FBXL17: variants seen among roughly 807,000 people sequenced by gnomAD.
FBXL17 encodes F-box and leucine rich repeat protein 17, also known as F-box/LRR-repeat protein 17.
A neutral mutation model predicts 66.2 loss-of-function variants in FBXL17; 22 were observed. That is an observed-to-expected ratio of 0.33 (90% CI 0.24 to 0.47). FBXL17 has a LOEUF of 0.47. FBXL17 is among the 20% of genes least tolerant of loss of function. The probability of loss-of-function intolerance (pLI) is 1.00; values close to 1 mark genes in which losing one functional copy is unlikely to be tolerated. For missense variants in FBXL17, 878 were observed against 948.2 expected, an observed-to-expected ratio of 0.93 and a Z score of 0.97; for synonymous variants, 474 against 400.5, an observed-to-expected ratio of 1.18 and a Z score of -2.19.
chr5:108,039,729 CAGA>C (rs1241391621), intron 6 of FBXL17, among the ~76,000 whole-genome samples: 1 of 151,996 alleles, frequency 6.6e-6, no homozygotes, highest in Non-Finnish European at 1.5e-5. Context: ...AGCAAATTCA[CAGA>C]AGGCTACCCA....
chr5:107,893,140 G>C (rs1394526794), intron 7 of FBXL17, among the ~76,000 whole-genome samples: 1 of 152,108 alleles, frequency 6.6e-6, no homozygotes, highest in Non-Finnish European at 1.5e-5. Flanking sequence ...AAAGGAATGG[G>C]AGGTAGAAAA....
intron 4 of FBXL17, among the ~76,000 whole-genome samples, chr5:108,236,686 A>G (rs1755619058): frequency 6.6e-6 from 1 of 152,330 alleles, no homozygotes; most frequent in South Asian, 2.1e-4. Context: ...ACCCTCAATG[A>G]AAAAGAGCAA....
intron 4 of FBXL17, among the ~76,000 whole-genome samples, chr5:108,225,594 C>G (rs1028191844): frequency 6.6e-6 from 1 of 152,130 alleles, no homozygotes; most frequent in African/African-American, 2.4e-5. Flanking sequence ...TGGAACAGAT[C>G]CTTTCCTAGC....
chr5:108,109,661 AAGAAG>A (rs1749953933), intron 6 of FBXL17, among the ~76,000 whole-genome samples: 1 of 152,156 alleles, frequency 6.6e-6, no homozygotes. Flanking sequence ...AGTAAGGGAT[AAGAAG>A]AGAAATTTCT....
chr5:108,289,804 G>A (rs992094452), intron 4 of FBXL17, among the ~76,000 whole-genome samples: 4 of 152,082 alleles, frequency 2.6e-5, no homozygotes, highest in African/African-American at 9.7e-5. Context: ...TAACAGCCAC[G>A]ATAACATCCT....
At chr5:108,309,303 A>T (rs1759002603) in intron 4 of FBXL17, among the ~76,000 whole-genome samples, 1 of 152,050 alleles carries the variant, frequency 6.6e-6, no homozygotes, top group African/African-American at 2.4e-5. Flanking sequence ...ACATGTATTA[A>T]CAAGTCTGAA....
At chr5:108,294,730 G>C (rs1561512134) in intron 4 of FBXL17, among the ~76,000 whole-genome samples, 1 of 151,704 alleles carries the variant, frequency 6.6e-6, no homozygotes, top group African/African-American at 2.4e-5. Context: ...GAAGTGATAA[G>C]AAAACTCATC....
chr5:108,185,977 G>C (rs1342254395), intron 6 of FBXL17, 140 bp downstream of exon 6: 9 of 656,294 alleles, frequency 1.4e-5, no homozygotes, highest in Non-Finnish European at 2.3e-5. Context: ...AGATCTAGAT[G>C]GTTTTCAAAA....
chr5:107,897,940 T>C (rs1469607987), intron 7 of FBXL17, among the ~76,000 whole-genome samples: 3 of 149,508 alleles, frequency 2.0e-5, no homozygotes, highest in African/African-American at 7.4e-5. Flanking sequence ...AAAAAGAAAG[T>C]GAGGGGTAGA....
chr5:108,096,438 T>C (rs1023942010), intron 6 of FBXL17, among the ~76,000 whole-genome samples: 5 of 152,110 alleles, frequency 3.3e-5, no homozygotes, highest in African/African-American at 1.2e-4. Flanking sequence ...ATACCAAACG[T>C]ATGGAAGATG....
At chr5:108,274,357 G>T (rs544039832) in intron 4 of FBXL17, among the ~76,000 whole-genome samples, 2 of 152,206 alleles carry the variant, frequency 1.3e-5, no homozygotes, top group African/African-American at 2.4e-5. Flanking sequence ...CTGAGAAAAA[G>T]AATTCAGTGA....
At chr5:108,044,867 T>C (rs1030037716) in intron 6 of FBXL17, among the ~76,000 whole-genome samples, 3 of 152,096 alleles carry the variant, frequency 2.0e-5, no homozygotes, top group Admixed American at 1.3e-4. Flanking sequence ...TAAGTTGTGG[T>C]AGCTTGTGTT....
intron 6 of FBXL17, among the ~76,000 whole-genome samples, chr5:108,149,699 ATTAAG>A (rs564355834): frequency 5.3e-4 from 81 of 152,366 alleles, no homozygotes; most frequent in African/African-American, 1.8e-3. Context: ...TCTTCTCATT[ATTAAG>A]TTAATTATCC....
chr5:107,969,745 T>A (rs1236872106), intron 7 of FBXL17, among the ~76,000 whole-genome samples: 1 of 152,142 alleles, frequency 6.6e-6, no homozygotes, highest in East Asian at 1.9e-4. Context: ...TTTAAACTAC[T>A]GCTTGATCTT....
rs117820520 is a variant in FBXL17 at position 107,915,427 on chromosome 5, G to T, written c.1823-34248C>A. The stretch of plus-strand genomic sequence containing the variant: ...TAGATAACTGCTATTTCATAAGAAC[G>T]TTTTCCCAGACTGGGTAAGGGCTGG... On this transcript the variant is annotated intron_variant, in intron 7 of 8. Coordinates refer to ENST00000542267, the MANE Select transcript of FBXL17 (RefSeq NM_001163315.3). Among the ~76,000 whole-genome samples the T allele has an allele frequency of 2.0e-5, 3 of 152,236 alleles. No individual in the cohort carries two copies. The East Asian group carries it at 5.8e-4, about 29-fold the overall frequency.
intron 6 of FBXL17, among the ~76,000 whole-genome samples, chr5:108,125,118 A>T (rs286805): frequency 0.5 from 74,964 of 151,198 alleles, 19,654 homozygotes; most frequent in South Asian, 0.77. Context: ...GTATTTTATT[A>T]AAAAAAAAGA....
At chr5:108,224,319 C>T (rs1755000811) in intron 4 of FBXL17, 91 bp from the exon 5 acceptor site, 1 of 585,504 alleles carries the variant, frequency 1.7e-6, no homozygotes, top group Non-Finnish European at 3.1e-6. Context: ...CCCCACCTTG[C>T]ATCATTACTA....
rs377493836 is a variant in FBXL17 at position 108,360,949 on chromosome 5, T to C, written c.1374+3789A>G. 7.2e-5 allele frequency among the ~76,000 whole-genome samples: 11 copies of C among 152,172 alleles called. No homozygotes were observed. The South Asian group carries it at 1.2e-3, about 17-fold the overall frequency. ...TCTTTCCATAATTTCTAGCTCTTCATTGACATTCTCAATTTGTTCATACAT... is the reference window on the plus strand; with the variant it reads ...TCTTTCCATAATTTCTAGCTCTTCACTGACATTCTCAATTTGTTCATACAT... On this transcript the variant is annotated intron_variant, in intron 3 of 8. Coordinates refer to ENST00000542267, the MANE Select transcript of FBXL17 (RefSeq NM_001163315.3).
intron 7 of FBXL17, among the ~76,000 whole-genome samples, chr5:107,907,425 C>T (rs12518124): frequency 0.14 from 20,915 of 152,124 alleles, 1,599 homozygotes; most frequent in East Asian, 0.22. Flanking sequence ...CAGTGCCTGG[C>T]TCAGCGCAGC....
Sources: gnomAD v4.1 joint callset for allele counts (sites outside exome capture counted in the v4.1 genomes callset) on GRCh38, gnomAD v4.1.1 for gene constraint, MANE v1.5 for transcripts, NCBI Gene and HGNC (gene_info 2026-07-23, HGNC 2026-07-21) for gene names.